The following NPC2 variants were observed in gnomAD, a reference collection of about 807,000 sequenced individuals.
The protein encoded by NPC2 is Niemann-Pick disease type C2 protein.
A neutral mutation model predicts 17.0 loss-of-function variants in NPC2; 14 were observed. The observed-to-expected ratio is 0.82, with a 90% CI of 0.54 to 1.29. The LOEUF is 1.29. NPC2 is among the 50% of genes most tolerant of loss of function. NPC2 has a pLI of 0.00. For missense variants in NPC2, 167 were observed against 183.4 expected (o/e 0.91, Z 0.52); for synonymous variants, 75 against 69.3 (o/e 1.08, Z -0.41).
intron 1 of NPC2, among the ~76,000 whole-genome samples, chr14:74,487,740 A>C (rs1483385724): frequency 1.3e-5 from 2 of 152,208 alleles, no homozygotes; most frequent in Non-Finnish European, 2.9e-5. Context: ...CCCAAAACAG[A>C]CTGAACCTTT....
intron 2 of NPC2, among the ~76,000 whole-genome samples, chr14:74,485,443 T>C (rs1190119765): frequency 1.3e-5 from 2 of 151,894 alleles, no homozygotes; most frequent in Non-Finnish European, 2.9e-5. Flanking sequence ...TATGAGTTAT[T>C]AGGGTATTTT....
intron 1 of NPC2, among the ~76,000 whole-genome samples, chr14:74,489,680 G>A (rs946340008): frequency 1.3e-5 from 2 of 152,238 alleles, no homozygotes; most frequent in Non-Finnish European, 2.9e-5. Context: ...CTGCCCCAGA[G>A]ACTGGGCAGT....
chr14:74,484,536 A>G lies in NPC2; in HGVS notation c.242T>C (p.Val81Ala), dbSNP rs2086688924. The change falls in exon 3 of 5, where the codon GTC becomes GCC. Residue 81 changes from valine to alanine, a missense_variant. Physicochemically the swap from Val to Ala is moderately conservative, Grantham distance 64 (BLOSUM62 0). Transcript: ENST00000555619. ...KAVVHGILMG[V>A]PVPFPIPEPD... ...CTCAGGAATGGGAAAGGGAACTGGG[A>G]CGCCCATCAGGATGCCATGCACCAC... 6.2e-7 allele frequency: 1 copy of G among 1,614,052 alleles called. No individual in the cohort carries two copies. Among genetic ancestry groups the G allele is most frequent in the African/African-American group, 1.3e-5 (1 of 74,910 alleles).
At chr14:74,491,688 G>A (rs2086775445) in intron 1 of NPC2, among the ~76,000 whole-genome samples, 1 of 152,090 alleles carries the variant, frequency 6.6e-6, no homozygotes, top group East Asian at 1.9e-4. Context: ...TTATGAAACC[G>A]CCTTTGCAAA....
chr14:74,480,144 C>A lies in NPC2; in HGVS notation c.*130G>T. ...CCGGAGCTCAGTTTCTGCTACAGAG[C>A]ACCTCCTCTTCAACGAATCACTGGA... On this transcript the variant is annotated 3_prime_UTR_variant, in exon 5 of 5. Coordinates refer to ENST00000555619, the MANE Select transcript of NPC2 (RefSeq NM_006432.5). 1.9e-6 allele frequency: 3 copies of A among 1,593,950 alleles called. No homozygotes were observed. The highest frequency in any genetic ancestry group is 2.6e-6 in the Non-Finnish European group (3 of 1,171,656).
chr14:74,486,191 G>C, intron 2 of NPC2, 138 bp downstream of exon 2: 1 of 839,426 alleles, frequency 1.2e-6, no homozygotes, highest in East Asian at 2.7e-5. Flanking sequence ...GTGAACCCTA[G>C]CTTTGCATGA....
intron 3 of NPC2, chr14:74,483,326 G>T (rs1371445695): frequency 2.3e-6 from 3 of 1,283,754 alleles, no homozygotes. Context: ...AGATGAGTGA[G>T]TAGTTGGCAA....
At chr14:74,484,212 A>G (rs1005091796) in intron 3 of NPC2, among the ~76,000 whole-genome samples, 2 of 152,208 alleles carry the variant, frequency 1.3e-5, no homozygotes, top group African/African-American at 4.8e-5. Context: ...ATCAGGTCAT[A>G]GTGAAAGAAT....
At position 74,493,277 on chromosome 14, in the gene NPC2, C is replaced by G. The variant is rs780472485; in HGVS notation, c.-3G>C. The stretch of plus-strand genomic sequence containing the variant: ...AATGTAGCTGCCAGGAAACGCATCG[C>G]GGATAACGAAGTTCCAAGCTCGGGA... On this transcript the variant is annotated 5_prime_UTR_variant, in exon 1 of 5. Coordinates refer to ENST00000555619, the MANE Select transcript of NPC2 (RefSeq NM_006432.5). This position sits in a 1 kb window ranked among gnomAD's most constrained non-coding sequence, Gnocchi z 4.1. 1.2e-6 allele frequency: 2 copies of G among 1,612,726 alleles called. No homozygotes were observed. Among genetic ancestry groups the G allele is most frequent in the Admixed American group, 3.3e-5 (2 of 59,880 alleles).
chr14:74,487,830 GA>G (rs1411105917), intron 1 of NPC2, among the ~76,000 whole-genome samples: 3 of 152,194 alleles, frequency 2.0e-5, no homozygotes, highest in Non-Finnish European at 4.4e-5. Flanking sequence ...TGACTAGCAA[GA>G]ATGAAGGAAA....
Position 74,486,337 on chromosome 14 carries a change from A to G in NPC2, c.182T>C (p.Phe61Ser). 9.4e-6 allele frequency: 15 copies of G among 1,595,814 alleles called. No homozygotes were observed. Among genetic ancestry groups the G allele is most frequent in the Non-Finnish European group, 1.3e-5 (15 of 1,170,342 alleles). ...GAGCCACTTTTACGCACTGCTGGTG[A>G]AGGTGACATTGACGCTGTAAGACTG... Reference protein sequence around the residue: ...KGQSYSVNVTFTSNIQSKSSK... With the variant: ...KGQSYSVNVTSTSNIQSKSSK... Residue 61 changes from phenylalanine (F) to serine (S), a missense_variant, in exon 2 of 5, where the codon TTC (phenylalanine) becomes TCC (serine). Coordinates refer to ENST00000555619, the MANE Select transcript of NPC2 (RefSeq NM_006432.5).
intron 1 of NPC2, among the ~76,000 whole-genome samples, 158 bp from the exon 2 acceptor site, chr14:74,486,594 A>C (rs2086715342): frequency 6.6e-6 from 1 of 152,220 alleles, no homozygotes; most frequent in South Asian, 2.1e-4. Flanking sequence ...AATAATGCCC[A>C]ATTAGAAGTC....
rs369932535 is a variant in NPC2, at chr14:74,480,021, T to TA, written c.*252dup. ...GAAAGAGGCCACAAGTTAATGTTGT[T>TA]AAAAAAAAAATTAAACATCTGCTAA... On this transcript the variant is annotated 3_prime_UTR_variant, in exon 5 of 5. Transcript: ENST00000555619. 3.6e-3 allele frequency: 4,916 copies of TA among 1,356,294 alleles called. 2 individuals carry two copies. The highest frequency in any genetic ancestry group is 9.0e-3 in the African/African-American group (607 of 67,180). 84.0% of individuals were successfully genotyped at this position (1,356,294 alleles called of 1,614,324 possible).
intron 1 of NPC2, among the ~76,000 whole-genome samples, chr14:74,492,127 A>G (rs1184888795): frequency 1.3e-5 from 2 of 152,118 alleles, no homozygotes; most frequent in African/African-American, 2.4e-5. Context: ...AACCTGACCA[A>G]TCAGCACTCC....
In NPC2 at chr14:74,479,959, G is replaced by A. The variant is rs1377720018; in HGVS notation, c.*315C>T. The A allele has an allele frequency of 8.4e-6, 11 of 1,308,618 alleles. No homozygotes were observed. The East Asian group carries it at 1.5e-4, about 18-fold the overall frequency. 81.1% of individuals were successfully genotyped at this position (1,308,618 alleles called of 1,614,324 possible). A position where few individuals can be genotyped will look rare whatever the true frequency, so the allele number is the denominator to read the frequency against. ...CCCACATGCAGAAGACAAGACAAAC[G>A]AGTTTTTATTTATTCAAGAGTAAAT... is the stretch of plus-strand genomic sequence containing the variant. On this transcript the variant is annotated 3_prime_UTR_variant, in exon 5 of 5. Transcript: ENST00000555619.
Position 74,480,590 on chromosome 14 carries a change from A to G in NPC2, c.441+112T>C, listed in dbSNP as rs765279257. On this transcript the variant is annotated intron_variant, in intron 4 of 4. Coordinates refer to ENST00000555619, the MANE Select transcript of NPC2 (RefSeq NM_006432.5). ...ATGCTTTTAGAGGTTGAGAGGCATA[A>G]AACAGCAGTCTTGAAATTCCTTTTA... The G allele has an allele frequency of 6.2e-5, 58 of 941,252 alleles. No individual in the cohort carries two copies. In the African/African-American group the frequency reaches 8.7e-4, roughly 14 times the overall value. The allele number at this position is 941,252 out of a possible 1,614,324, so 58.3% of individuals were successfully genotyped here.
chr14:74,485,112 T>G (rs985261794), intron 2 of NPC2, among the ~76,000 whole-genome samples: 3 of 151,562 alleles, frequency 2.0e-5, no homozygotes, highest in African/African-American at 7.3e-5. Context: ...CTGGCCAACA[T>G]GGAAAAACCC....
intron 3 of NPC2, among the ~76,000 whole-genome samples, chr14:74,481,392 C>G (rs1339329087): frequency 6.6e-6 from 1 of 152,254 alleles, no homozygotes; most frequent in Non-Finnish European, 1.5e-5. Context: ...GCTTCAGGTA[C>G]AGCTTGCTGA....
Position 74,481,405 on chromosome 14 carries a change from C to T in NPC2, c.364-626G>A, listed in dbSNP as rs141884078. On this transcript the variant is annotated intron_variant, in intron 3 of 4. Transcript: ENST00000555619. ...ATGCTTCAGGTACAGCTTGCTGAAC[C>T]GTGAGCTGATCAAACCTCTTTTCAA... Among the ~76,000 whole-genome samples the T allele has an allele frequency of 6.7e-3, 1,022 of 152,304 alleles. 7 individuals are homozygous for T. The highest frequency in any genetic ancestry group is 0.011 in the Non-Finnish European group (715 of 68,028).
Sources: gnomAD v4.1 joint callset for allele counts (sites outside exome capture counted in the v4.1 genomes callset) on GRCh38, gnomAD v4.1.1 for gene constraint, Gnocchi (gnomAD v3.1) non-coding constraint, MANE v1.5 for transcripts, NCBI Gene and HGNC (gene_info 2026-07-23, HGNC 2026-07-21) for gene names.